The following GFAP variants were observed in gnomAD, a reference collection of about 807,000 sequenced individuals.
GFAP encodes glial fibrillary acidic protein.
Under a neutral mutation model 49.3 loss-of-function variants are expected in GFAP, and 38 were observed. That is an observed-to-expected ratio of 0.77 (90% CI 0.60 to 1.01). The LOEUF (loss-of-function observed/expected upper bound fraction) is 1.01, where lower values mean the gene tolerates loss of function less well. Among genes scored for constraint, GFAP ranks in the 50% least tolerant of loss-of-function variants. GFAP has a pLI of 0.00. For synonymous variants in GFAP, 222 were observed against 236.4 expected (o/e 0.94, Z 0.56); for missense variants, 463 against 579.1 (o/e 0.80, Z 2.06).
chr17:44,910,157 TC>T (rs773983696), intron 7 of GFAP: 9 of 1,613,772 alleles, frequency 5.6e-6, no homozygotes, highest in Non-Finnish European at 7.6e-6. Flanking sequence ...CCGGCGGCGT[TC>T]CATTTACAAT....
At chr17:44,909,540 T>A (rs984660796) in intron 7 of GFAP, 6 of 153,582 alleles carry the variant, frequency 3.9e-5, no homozygotes, top group African/African-American at 1.2e-4. Context: ...AATATTCTAG[T>A]CCAGAAGAAG....
In GFAP at chr17:44,905,695, T is replaced by G; in HGVS notation, c.*1652A>C. 1 of 156,858 alleles carries G rather than the reference T, an allele frequency of 6.4e-6. No individual in the cohort carries two copies. The highest frequency in any genetic ancestry group is 2.0e-4 in the South Asian group (1 of 5,074). The allele number at this position is 156,858 out of a possible 1,614,324, so 9.7% of individuals were successfully genotyped here. A position where few individuals can be genotyped will look rare whatever the true frequency, so the allele number is the denominator to read the frequency against. On this transcript the variant is annotated 3_prime_UTR_variant, in exon 9 of 9. Coordinates refer to ENST00000588735, the MANE Select transcript of GFAP (RefSeq NM_002055.5). ...AAGGCAGCAGCAGTGCCCTGAAGATTAGCAGCAGCAGCAGCAGCAGGTGGC... is the reference window on the plus strand; with the variant it reads ...AAGGCAGCAGCAGTGCCCTGAAGATGAGCAGCAGCAGCAGCAGCAGGTGGC...
In GFAP at chr17:44,907,975, A is replaced by G. The variant is rs569596497; in HGVS notation, c.1257+89T>C. 1.1e-4 allele frequency: 100 copies of G among 903,064 alleles called. 1 individual carries two copies. The African/African-American group carries it at 1.4e-3, about 12-fold the overall frequency. 55.9% of individuals were successfully genotyped at this position (903,064 alleles called of 1,614,324 possible). A position where few individuals can be genotyped will look rare whatever the true frequency, so the allele number is the denominator to read the frequency against. On this transcript the variant is annotated intron_variant, in intron 8 of 8. Transcript: ENST00000588735. ...TACTGGGAGTTGCTGGGAACCTTCT[A>G]TGTGCCAGCCCCAGGCTTTCCTCCA...
intron 3 of GFAP, 142 bp from the exon 4 acceptor site, chr17:44,913,572 T>C (rs746271394): frequency 2.8e-6 from 3 of 1,089,880 alleles, no homozygotes; most frequent in Non-Finnish European, 4.2e-6. Context: ...CCTTAGTGTC[T>C]TTCTGTTTGT....
At position 44,911,817 on chromosome 17, in the gene GFAP, G is replaced by C. The variant is rs993721324; in HGVS notation, c.781-20C>G. On this transcript the variant is annotated intron_variant, in intron 4 of 8. Coordinates refer to ENST00000588735, the MANE Select transcript of GFAP (RefSeq NM_002055.5). The stretch of plus-strand genomic sequence containing the variant: ...TGCAAACTAGGTGGGGGACACATAT[G>C]GGGGGCTGTGTGGGCCCATGGGCAG... The C allele has an allele frequency of 3.7e-6, 6 of 1,607,696 alleles. No homozygotes were observed. In the African/African-American group the frequency reaches 4.0e-5, roughly 11 times the overall value.
At chr17:44,912,975 C>T in intron 4 of GFAP, 2 of 433,808 alleles carry the variant, frequency 4.6e-6, no homozygotes, top group Non-Finnish European at 4.3e-6. Context: ...GCTCTCTCAT[C>T]TGTCAAAGAA....
Position 44,907,408 on chromosome 17 carries a change from T to A in GFAP, c.1258-20A>T, listed in dbSNP as rs1243980214. On this transcript the variant is annotated intron_variant, in intron 8 of 8. Coordinates refer to ENST00000588735, the MANE Select transcript of GFAP (RefSeq NM_002055.5). The stretch of plus-strand genomic sequence containing the variant: ...AATGACCTGCAGGGGACAGGGAACG[T>A]GCACAGTGCAACAGTTAGGAGTTCA... 6.3e-7 allele frequency: 1 copy of A among 1,581,846 alleles called. No individual in the cohort carries two copies. The highest frequency in any genetic ancestry group is 1.7e-5 in the Admixed American group (1 of 59,978).
intron 1 of GFAP, 37 bp downstream of exon 1, chr17:44,914,989 C>T: frequency 6.4e-7 from 1 of 1,563,400 alleles, no homozygotes; most frequent in East Asian, 2.2e-5. Context: ...TCAGCCCCTT[C>T]TGCTCACAAG....
chr17:44,905,108 A>T lies in GFAP; in HGVS notation c.*2239T>A. Reference sequence around the variant, plus strand: ...AGCTCTGAAGACCAGTTGTCCTTCAATGTGTTTGTTAAATGATACCAGATG... The same window carrying T: ...AGCTCTGAAGACCAGTTGTCCTTCATTGTGTTTGTTAAATGATACCAGATG... On this transcript the variant is annotated 3_prime_UTR_variant, in exon 9 of 9. Coordinates refer to ENST00000588735, the MANE Select transcript of GFAP (RefSeq NM_002055.5). 6.9e-7 allele frequency: 1 copy of T among 1,456,544 alleles called. No homozygotes were observed. The highest frequency in any genetic ancestry group is 9.3e-7 in the Non-Finnish European group (1 of 1,080,082). The allele number at this position is 1,456,544 out of a possible 1,614,324, so 90.2% of individuals were successfully genotyped here. A position where few individuals can be genotyped will look rare whatever the true frequency, so the allele number is the denominator to read the frequency against.
chr17:44,908,382 T>A (rs1597853582), intron 7 of GFAP: 2 of 478,558 alleles, frequency 4.2e-6, no homozygotes, highest in East Asian at 6.9e-5. Flanking sequence ...TTTCAGCCCC[T>A]CTGCAAGCCC....
rs751731588 is a variant in GFAP at position 44,911,634 on chromosome 17, T to TGCTCCGCCCGTCCCC, written c.906+23_906+37dup. 3.7e-6 allele frequency: 6 copies of TGCTCCGCCCGTCCCC among 1,606,122 alleles called. No individual in the cohort carries two copies. The Admixed American group carries it at 1.0e-4, about 27-fold the overall frequency. ...TGGCATCTCCTGGGGTGGCCGTCCC[T>TGCTCCGCCCGTCCCC]GCTCCGCCCGTCCCCGTCCTGCCCT... On this transcript the variant is annotated intron_variant, in intron 5 of 8. Transcript: ENST00000588735.
Position 44,903,373 on chromosome 17 carries a change from C to G in GFAP, c.*3974G>C. The G allele has an allele frequency of 1.6e-6, 2 of 1,248,206 alleles. No homozygotes were observed. Among genetic ancestry groups the G allele is most frequent in the Non-Finnish European group, 2.0e-6 (2 of 997,510 alleles). The allele number at this position is 1,248,206 out of a possible 1,614,324, so 77.3% of individuals were successfully genotyped here. ...AAGCCATCAGCTCAGGTCCAGCCAG[C>G]CTCCCGGATGGCCAGATATGCAGGA... On this transcript the variant is annotated 3_prime_UTR_variant, in exon 9 of 9. Coordinates refer to ENST00000588735, the MANE Select transcript of GFAP (RefSeq NM_002055.5).
At chr17:44,910,366 T>G (rs2051731878) in intron 7 of GFAP, 1 of 1,609,838 alleles carries the variant, frequency 6.2e-7, no homozygotes, top group Non-Finnish European at 8.5e-7. Flanking sequence ...CACCCAGTTC[T>G]GCTGTCGAAT....
Position 44,915,049 on chromosome 17 carries a change from C to A in GFAP, c.438G>T (p.Gln146His), listed in dbSNP as rs886072220. 6.2e-7 allele frequency: 1 copy of A among 1,612,440 alleles called. No individual in the cohort carries two copies. The highest frequency in any genetic ancestry group is 8.5e-7 in the Non-Finnish European group (1 of 1,179,992). Residue 146 changes from glutamine to histidine, a missense_variant, in exon 1 of 9, where the codon CAG becomes CAT. Gln to His is a conservative substitution (Grantham distance 24). Transcript: ENST00000588735. This position sits in a 1 kb window ranked among gnomAD's most constrained non-coding sequence, Gnocchi z 4.1. ...RLEVERDNLA[Q>H]DLATVRQKLQ... ...ACTTCTGCCTCACAGTGGCCAGGTCCTGTGCCAGATTGTCCCTCTCAACCT... is the reference window on the plus strand; with the variant it reads ...ACTTCTGCCTCACAGTGGCCAGGTCATGTGCCAGATTGTCCCTCTCAACCT...
chr17:44,912,527 A>G (rs911151072), intron 4 of GFAP: 1 of 152,470 alleles, frequency 6.6e-6, no homozygotes, highest in Non-Finnish European at 1.5e-5. Flanking sequence ...TGCCACTCAC[A>G]CTCCTCAGCT....
chr17:44,910,557 G>A (rs1324694483), intron 7 of GFAP, 58 bp downstream of exon 7: 2 of 1,555,702 alleles, frequency 1.3e-6, no homozygotes, highest in Non-Finnish European at 1.7e-6. Context: ...CAACCTACAG[G>A]CCCTGGAGGA....
At position 44,914,253 on chromosome 17, in the gene GFAP, G is replaced by C. The variant is rs2051853091; in HGVS notation, c.462-165C>G. ...GGGCCTTAGACAGAGGACTTGTCTG[G>C]AGGATGAGCAGATGTGGGCTTTTGC... On this transcript the variant is annotated intron_variant, in intron 1 of 8. Transcript: ENST00000588735. The C allele has an allele frequency of 2.8e-5, 17 of 612,726 alleles. No individual in the cohort carries two copies. In the Admixed American group the frequency reaches 4.7e-4, roughly 17 times the overall value. 38.0% of individuals were successfully genotyped at this position (612,726 alleles called of 1,614,324 possible). A position where few individuals can be genotyped will look rare whatever the true frequency, so the allele number is the denominator to read the frequency against.
chr17:44,905,255 G>T lies in GFAP; in HGVS notation c.*2092C>A. The T allele has an allele frequency of 1.7e-6, 1 of 601,872 alleles. No individual in the cohort carries two copies. The highest frequency in any genetic ancestry group is 2.8e-5 in the East Asian group (1 of 35,136). The allele number at this position is 601,872 out of a possible 1,614,324, so 37.3% of individuals were successfully genotyped here. ...TGATCTGAGAAGTGGAGGGGCCTGA[G>T]GCTGGTGGGAGATTGGGGACTGAGC... On this transcript the variant is annotated 3_prime_UTR_variant, in exon 9 of 9. Coordinates refer to ENST00000588735, the MANE Select transcript of GFAP (RefSeq NM_002055.5).
Position 44,911,692 on chromosome 17 carries a change from G to A in GFAP, c.886C>T (p.Leu296=). ...RRQLQSLTCD[L]ESLRGTNESL... ...CTCACCGTGCCGCGCAGAGACTCCA[G>A]GTCGCAGGTCAAGGACTGCAACTGG... is the stretch of plus-strand genomic sequence containing the variant. Residue 296 remains leucine, a synonymous_variant, in exon 5 of 9, where the codon CTG becomes TTG. Transcript: ENST00000588735. 6.2e-7 allele frequency: 1 copy of A among 1,613,604 alleles called. No individual in the cohort carries two copies. The highest frequency in any genetic ancestry group is 8.5e-7 in the Non-Finnish European group (1 of 1,179,968).
Sources: allele counts gnomAD v4.1 joint callset, GRCh38; gene constraint gnomAD v4.1.1; non-coding constraint Gnocchi (gnomAD v3.1); transcripts MANE v1.5; gene names NCBI Gene and HGNC (gene_info 2026-07-23, HGNC 2026-07-21).